The following RBFOX1 variants were observed in gnomAD, a reference collection of about 807,000 sequenced individuals.
RBFOX1 encodes the protein RNA binding protein fox-1 homolog 1.
In RBFOX1, 8 loss-of-function variants were observed where a neutral mutation model predicts 57.7. That is an observed-to-expected ratio of 0.14 (90% CI 0.08 to 0.25). The LOEUF (loss-of-function observed/expected upper bound fraction) is 0.25. Ranked by LOEUF, RBFOX1 falls within the 10% of genes least tolerant of loss-of-function variation. The pLI, the probability that RBFOX1 is intolerant of heterozygous loss-of-function variation, is 1.00. For synonymous variants in RBFOX1, 326 were observed against 222.4 expected (o/e 1.47, Z -4.15); for missense variants, 611 against 548.5 (o/e 1.11, Z -1.14).
chr16:7,542,470 C>T (rs996397526), intron 5 of RBFOX1, among the ~76,000 whole-genome samples: 17 of 151,154 alleles, frequency 1.1e-4, no homozygotes, highest in African/African-American at 3.7e-4. Flanking sequence ...GGGAAAGAGG[C>T]AAAATAAATT....
At chr16:6,872,767 T>C (rs750532160) in intron 3 of RBFOX1, among the ~76,000 whole-genome samples, 3 of 152,022 alleles carry the variant, frequency 2.0e-5, no homozygotes, top group Non-Finnish European at 4.4e-5. Flanking sequence ...TGCAAAAAAA[T>C]AAAATAACTG....
intron 14 of RBFOX1, among the ~76,000 whole-genome samples, chr16:7,690,680 T>TC (rs34195212): frequency 0.97 from 148,115 of 152,138 alleles, 72,235 homozygotes; most frequent in East Asian, 1. Flanking sequence ...TTTTAATTTT[T>TC]CTGAAGTTGT....
At chr16:7,202,607 C>A (rs564809460) in intron 4 of RBFOX1, among the ~76,000 whole-genome samples, 1 of 152,188 alleles carries the variant, frequency 6.6e-6, no homozygotes, top group Non-Finnish European at 1.5e-5. Flanking sequence ...GTATTTACAG[C>A]CACTCCTCAT....
At chr16:5,844,413 G>C (rs2056699789) in intron 3 of RBFOX1, among the ~76,000 whole-genome samples, 1 of 152,196 alleles carries the variant, frequency 6.6e-6, no homozygotes, top group African/African-American at 2.4e-5. Context: ...GGTCCCCAAA[G>C]TAATTGGCAT....
At chr16:7,293,500 T>C (rs530441905) in intron 4 of RBFOX1, among the ~76,000 whole-genome samples, 4 of 152,252 alleles carry the variant, frequency 2.6e-5, no homozygotes, top group Admixed American at 1.3e-4. Context: ...CATCATTTAG[T>C]GGGTGTATTG....
intron 1 of RBFOX1, among the ~76,000 whole-genome samples, chr16:6,217,687 G>T (rs916775946): frequency 1.3e-5 from 2 of 152,110 alleles, no homozygotes; most frequent in Non-Finnish European, 2.9e-5. Flanking sequence ...CTTCAGTATC[G>T]CACAGACACC....
chr16:5,500,521 C>T (rs557264680), intron 2 of RBFOX1, among the ~76,000 whole-genome samples: 2 of 152,108 alleles, frequency 1.3e-5, no homozygotes, highest in Admixed American at 6.5e-5. Flanking sequence ...CATGCCTGGC[C>T]GAGTATCAGG....
chr16:6,707,764 TAGG>T (rs1487982696), intron 3 of RBFOX1, among the ~76,000 whole-genome samples: 4 of 152,182 alleles, frequency 2.6e-5, no homozygotes, highest in Non-Finnish European at 5.9e-5. Context: ...AGTAGCCGTG[TAGG>T]AGACCAAAAG....
At chr16:6,439,475 G>T (rs554138602) in intron 2 of RBFOX1, among the ~76,000 whole-genome samples, 19 of 152,294 alleles carry the variant, frequency 1.2e-4, no homozygotes, top group African/African-American at 4.3e-4. Flanking sequence ...GATTGTCGAG[G>T]AATGTGGAAC....
intron 3 of RBFOX1, among the ~76,000 whole-genome samples, chr16:6,734,427 G>A (rs1443268802): frequency 1.3e-5 from 2 of 152,130 alleles, no homozygotes; most frequent in South Asian, 2.1e-4. Flanking sequence ...TTTCCTTTAC[G>A]TGGATTATCT....
chr16:6,571,725 C>T (rs2097347432), intron 2 of RBFOX1, among the ~76,000 whole-genome samples: 1 of 152,152 alleles, frequency 6.6e-6, no homozygotes, highest in Non-Finnish European at 1.5e-5. Flanking sequence ...ATATTTATTA[C>T]ACAGAGGAAA....
At chr16:6,102,044 G>T (rs2096316129) in intron 1 of RBFOX1, among the ~76,000 whole-genome samples, 1 of 152,048 alleles carries the variant, frequency 6.6e-6, no homozygotes. Flanking sequence ...TGTGACTGTT[G>T]CATTGGCTGC....
chr16:6,885,161 C>A (rs143545925), intron 3 of RBFOX1, among the ~76,000 whole-genome samples: 28 of 152,268 alleles, frequency 1.8e-4, no homozygotes, highest in African/African-American at 6.3e-4. Flanking sequence ...CTCCTCCTTC[C>A]CTAATTCCCA....
chr16:6,801,469 A>C (rs1191343171), intron 3 of RBFOX1, among the ~76,000 whole-genome samples: 1 of 152,186 alleles, frequency 6.6e-6, no homozygotes, highest in Non-Finnish European at 1.5e-5. Context: ...AGCAAATATA[A>C]AGATTATTGA....
chr16:7,165,448 A>G (rs1567533809), intron 4 of RBFOX1, among the ~76,000 whole-genome samples: 1 of 145,128 alleles, frequency 6.9e-6, no homozygotes, highest in Middle Eastern at 3.7e-3. Context: ...TTACCATTTG[A>G]GATGGAGTTT....
chr16:6,834,108 G>A lies in RBFOX1; in HGVS notation c.-16+179458G>A, dbSNP rs111310957. 7.0e-3 allele frequency among the ~76,000 whole-genome samples: 1,068 copies of A among 151,632 alleles called. 7 individuals are homozygous for A. Among genetic ancestry groups the A allele is most frequent in the Non-Finnish European group, 0.012 (802 of 67,902 alleles). ...GAGGCGGAGTCTCCCTCTTTCGCCC[G>A]GGCTGGTGTGCAGTGGTGTGATCTC... is the stretch of plus-strand genomic sequence containing the variant. On this transcript the variant is annotated intron_variant, in intron 3 of 15. Coordinates refer to ENST00000550418, the MANE Select transcript of RBFOX1 (RefSeq NM_018723.4).
chr16:5,939,161 C>T lies in RBFOX1; in HGVS notation c.351+71826C>T, dbSNP rs530042672. Among the ~76,000 whole-genome samples the T allele has an allele frequency of 3.9e-5, 6 of 152,228 alleles. No homozygotes were observed. In the East Asian group the frequency reaches 9.7e-4, roughly 24 times the overall value. On this transcript the variant is annotated intron_variant, in intron 4 of 19. Coordinates refer to the RBFOX1 transcript ENST00000641259. The stretch of plus-strand genomic sequence containing the variant: ...CATGTAAATGATGAATTAATGGGTA[C>T]AGCACACCAACATGGCATATGTAGA...
intron 3 of RBFOX1, among the ~76,000 whole-genome samples, chr16:6,696,369 C>A (rs543101802): frequency 1.3e-5 from 2 of 152,228 alleles, no homozygotes; most frequent in South Asian, 2.1e-4. Flanking sequence ...TTATAATATG[C>A]AGTGAGTCTT....
intron 2 of RBFOX1, among the ~76,000 whole-genome samples, chr16:6,513,487 ACT>A (rs1267409396): frequency 6.6e-6 from 1 of 152,104 alleles, no homozygotes; most frequent in Non-Finnish European, 1.5e-5. Context: ...TAATCTCATC[ACT>A]TTGGGAGGTC....
Sources: gnomAD v4.1 joint callset for allele counts (sites outside exome capture counted in the v4.1 genomes callset) on GRCh38, gnomAD v4.1.1 for gene constraint, MANE v1.5 for transcripts, NCBI Gene and HGNC (gene_info 2026-07-23, HGNC 2026-07-21) for gene names.